The following SAFB2 variants were observed in gnomAD, a reference collection of about 807,000 sequenced individuals.
SAFB2 encodes the protein scaffold attachment factor B2.
SAFB2 carries 32 observed loss-of-function variants against 100.6 expected under a neutral mutation model. The observed-to-expected ratio is 0.32, with a 90% CI of 0.24 to 0.43. The LOEUF is 0.43. Among genes scored for constraint, SAFB2 ranks in the 20% least tolerant of loss-of-function variants. SAFB2 has a pLI of 1.00. For synonymous variants in SAFB2, 500 were observed against 439.4 expected (o/e 1.14, Z -1.72); for missense variants, 1,185 against 1,163.4 (o/e 1.02, Z -0.27).
rs576635065 is a variant in SAFB2, at chr19:5,600,374, G to T, written c.1560-114C>A. On this transcript the variant is annotated intron_variant, in intron 11 of 20. Coordinates refer to ENST00000252542, the MANE Select transcript of SAFB2 (RefSeq NM_014649.3). Reference sequence around the variant, plus strand: ...ACGTCCACACAAAACAAATCACCCCGGCAGCAATTAGGTGGGAAAAATTAT... The same window carrying T: ...ACGTCCACACAAAACAAATCACCCCTGCAGCAATTAGGTGGGAAAAATTAT... The T allele has an allele frequency of 2.1e-6, 3 of 1,405,034 alleles. No homozygotes were observed. The African/African-American group carries it at 4.3e-5, about 20-fold the overall frequency. The allele number at this position is 1,405,034 out of a possible 1,614,324, so 87.0% of individuals were successfully genotyped here.
intron 9 of SAFB2, among the ~76,000 whole-genome samples, chr19:5,607,382 G>A (rs1227476811): frequency 1.3e-5 from 2 of 152,132 alleles, no homozygotes; most frequent in South Asian, 2.1e-4. Context: ...GAAGTAAACC[G>A]TATGACAATA....
chr19:5,595,628 A>T, intron 13 of SAFB2, 131 bp from the exon 14 acceptor site: 3 of 1,123,872 alleles, frequency 2.7e-6, no homozygotes, highest in Non-Finnish European at 3.7e-6. Flanking sequence ...TGTGGTCTCC[A>T]GACCAGAGGC....
intron 14 of SAFB2, among the ~76,000 whole-genome samples, chr19:5,594,753 A>C (rs1376299251): frequency 1.3e-5 from 2 of 152,214 alleles, no homozygotes; most frequent in Non-Finnish European, 2.9e-5. Flanking sequence ...CTCAGCCTGT[A>C]ATCCAGCACT....
rs750066079 is a variant in SAFB2 at position 5,587,676 on chromosome 19, G to T, written c.2705+25C>A. 6 of 1,539,436 alleles carry T rather than the reference G, an allele frequency of 3.9e-6. No individual in the cohort carries two copies. The South Asian group carries it at 6.0e-5, about 15-fold the overall frequency. ...AAGTGAGGAGCAGGAGTGAACCACC[G>T]TCCTCCACGGACGACACACCTTACC... is the stretch of plus-strand genomic sequence containing the variant. On this transcript the variant is annotated intron_variant, in intron 20 of 20. Transcript: ENST00000252542. This position sits in a 1 kb window ranked among gnomAD's most constrained non-coding sequence, Gnocchi z 4.9.
Position 5,592,872 on chromosome 19 carries a change from A to G in SAFB2, c.2223T>C (p.Tyr741=). The G allele has an allele frequency of 6.2e-7, 1 of 1,614,146 alleles. No homozygotes were observed. Among genetic ancestry groups the G allele is most frequent in the Non-Finnish European group, 8.5e-7 (1 of 1,180,000 alleles). The change falls in exon 16 of 21, where the codon TAT becomes TAC. Residue 741 remains tyrosine, a synonymous_variant. Transcript: ENST00000252542. ...TTGCCACACGCTTTCCTTCTGGCCA[A>G]TAGGCATCATCTCGTCTGTTGGTTT... ...PYDLDRRDDA[Y]WPEGKRVAME...
intron 7 of SAFB2, chr19:5,610,891 GAAGAT>G (rs1312953585): frequency 6.3e-6 from 5 of 787,782 alleles, no homozygotes; most frequent in Non-Finnish European, 9.9e-6. Flanking sequence ...CGATTTAGCT[GAAGAT>G]AACAATTAAC....
intron 1 of SAFB2, among the ~76,000 whole-genome samples, chr19:5,622,325 AGAG>A (rs1022747583): frequency 1.8e-4 from 28 of 152,226 alleles, no homozygotes; most frequent in Middle Eastern, 3.4e-3. Context: ...AAAGGTGGAA[AGAG>A]GATAGGAAGG....
intron 11 of SAFB2, among the ~76,000 whole-genome samples, chr19:5,602,837 GA>G (rs2052691926): frequency 6.6e-6 from 1 of 152,114 alleles, no homozygotes; most frequent in Non-Finnish European, 1.5e-5. Flanking sequence ...CACCAATACA[GA>G]CATTTTTTTC....
chr19:5,590,707 CCT>C (rs1437707398), intron 17 of SAFB2, among the ~76,000 whole-genome samples: 1 of 152,228 alleles, frequency 6.6e-6, no homozygotes, highest in Non-Finnish European at 1.5e-5. Context: ...GTCACCAAAC[CCT>C]GTCTTCCCTG....
chr19:5,590,148 C>T (rs576983203), intron 18 of SAFB2, 130 bp downstream of exon 18: 2 of 799,584 alleles, frequency 2.5e-6, no homozygotes, highest in Non-Finnish European at 3.7e-6. Context: ...TTTCAAATGG[C>T]AGGACCCCTG....
rs60033130 is a variant in SAFB2 at position 5,616,643 on chromosome 19, C to CT, written c.275-158dup. 1.0e-2 allele frequency among the ~76,000 whole-genome samples: 726 copies of CT among 72,806 alleles called. 76 individuals are homozygous for CT. The highest frequency in any genetic ancestry group is 0.024 in the African/African-American group (408 of 17,252). 47.8% of individuals were successfully genotyped at this position (72,806 alleles called of 152,430 possible). A position where few individuals can be genotyped will look rare whatever the true frequency, so the allele number is the denominator to read the frequency against. Reference sequence around the variant, plus strand: ...ACGTAATTTTGTCTCAATTTGTTTTCTTTTTTTTTTTTTTTTTTTTTTTTT... The same window carrying CT: ...ACGTAATTTTGTCTCAATTTGTTTTCTTTTTTTTTTTTTTTTTTTTTTTTTT... On this transcript the variant is annotated intron_variant, in intron 2 of 20. Coordinates refer to ENST00000252542, the MANE Select transcript of SAFB2 (RefSeq NM_014649.3).
chr19:5,592,595 C>T, intron 16 of SAFB2, 152 bp downstream of exon 16: 1 of 827,132 alleles, frequency 1.2e-6, no homozygotes, highest in East Asian at 2.7e-5. Flanking sequence ...CGCTCAAGTT[C>T]TGTGCAAGGC....
intron 18 of SAFB2, among the ~76,000 whole-genome samples, chr19:5,589,383 C>G (rs778312489): frequency 1.3e-5 from 2 of 152,068 alleles, no homozygotes; most frequent in Non-Finnish European, 2.9e-5. Context: ...GGCACAGCAC[C>G]GAGTCAAAGT....
At chr19:5,606,668 C>T (rs1371128491) in intron 9 of SAFB2, among the ~76,000 whole-genome samples, 1 of 151,890 alleles carries the variant, frequency 6.6e-6, no homozygotes, top group Non-Finnish European at 1.5e-5. Context: ...TAAAAGCAGC[C>T]ACAGAAAAAG....
chr19:5,608,049 C>T (rs1456716506), intron 9 of SAFB2, among the ~76,000 whole-genome samples: 2 of 152,194 alleles, frequency 1.3e-5, no homozygotes, highest in Non-Finnish European at 2.9e-5. Context: ...CTTGTATGTC[C>T]CTATCCCTGA....
In SAFB2 at chr19:5,595,450, G is replaced by A. The variant is rs779942629; in HGVS notation, c.1830C>T (p.Asp610=). ...DRKSESKEKR[D]ILSFDKIKEQ... ...CTTTGATTTTATCAAACGACAAGAT[G>A]TCTCTCTTTTCTTTGCTTTCTGACT... The change falls in exon 14 of 21, where the codon GAC becomes GAT. Residue 610 remains aspartate (D), a synonymous_variant. Coordinates refer to ENST00000252542, the MANE Select transcript of SAFB2 (RefSeq NM_014649.3). The A allele has an allele frequency of 6.2e-7, 1 of 1,613,900 alleles. No individual in the cohort carries two copies. The highest frequency in any genetic ancestry group is 1.1e-5 in the South Asian group (1 of 91,076).
At chr19:5,590,471 G>A (rs1457563408) in intron 17 of SAFB2, 63 bp from the exon 18 acceptor site, 1 of 1,519,862 alleles carries the variant, frequency 6.6e-7, no homozygotes, top group African/African-American at 1.4e-5. Context: ...CCACCTTCCG[G>A]AAGGCCTGTC....
chr19:5,604,876 C>T lies in SAFB2; in HGVS notation c.1357G>A (p.Val453Ile), dbSNP rs150768449. The T allele has an allele frequency of 3.5e-5, 57 of 1,614,130 alleles. No individual in the cohort carries two copies. The highest frequency in any genetic ancestry group is 9.3e-5 in the African/African-American group (7 of 75,032). ...GCCTCGTCAGATGTCGACATGGTGA[C>T]GAATCCATAGCATCGAGCCCCCGGG... The part of the protein sequence containing the change: ...RSPGARCYGF[V>I]TMSTSDEATK... Residue 453 changes from valine (V) to isoleucine (I), a missense_variant, in exon 10 of 21, where the codon GTC (valine) becomes ATC (isoleucine). Val to Ile is a conservative substitution (Grantham distance 29). Coordinates refer to ENST00000252542, the MANE Select transcript of SAFB2 (RefSeq NM_014649.3).
At chr19:5,620,908 C>CA (rs1367497403) in intron 2 of SAFB2, among the ~76,000 whole-genome samples, 2 of 152,172 alleles carry the variant, frequency 1.3e-5, no homozygotes, top group Admixed American at 1.3e-4. Flanking sequence ...TGGACCCTAG[C>CA]AAAGCTGAGT....
Sources: gnomAD v4.1 joint callset for allele counts (sites outside exome capture counted in the v4.1 genomes callset) on GRCh38, gnomAD v4.1.1 for gene constraint, Gnocchi (gnomAD v3.1) non-coding constraint, MANE v1.5 for transcripts, NCBI Gene and HGNC (gene_info 2026-07-23, HGNC 2026-07-21) for gene names.